The following SYT1 variants were observed in gnomAD, a reference collection of about 807,000 sequenced individuals.
SYT1 encodes synaptotagmin-1.
Under a neutral mutation model 44.8 loss-of-function variants are expected in SYT1, and 8 were observed. The ratio of observed to expected loss-of-function variants is 0.18; its 90% CI spans 0.10 to 0.32. SYT1 has a LOEUF of 0.32. SYT1 is among the 10% of genes least tolerant of loss of function. The pLI is 1.00. For missense variants in SYT1, 286 were observed against 509.3 expected (o/e 0.56, Z 4.22); for synonymous variants, 154 against 188.8 (o/e 0.82, Z 1.51).
chr12:79,205,865 AAC>A (rs1475795205), intron 3 of SYT1, among the ~76,000 whole-genome samples: 3 of 152,208 alleles, frequency 2.0e-5, no homozygotes, highest in African/African-American at 7.2e-5. Context: ...GAGAACGAGA[AAC>A]ACAGTTTGTT....
At chr12:79,203,266 G>A (rs1040175042) in intron 3 of SYT1, among the ~76,000 whole-genome samples, 1 of 152,092 alleles carries the variant, frequency 6.6e-6, no homozygotes, top group Non-Finnish European at 1.5e-5. Flanking sequence ...GCATTGTGAG[G>A]TTATGGTTAC....
chr12:79,324,081 T>C (rs759848876), intron 8 of SYT1, among the ~76,000 whole-genome samples: 2 of 151,144 alleles, frequency 1.3e-5, no homozygotes, highest in Non-Finnish European at 2.9e-5. Context: ...CTCCTGAGTA[T>C]CTGGGATTAC....
chr12:79,022,594 GT>G (rs1034098790), intron 2 of SYT1, among the ~76,000 whole-genome samples: 7 of 151,248 alleles, frequency 4.6e-5, no homozygotes, highest in Admixed American at 4.0e-4. Context: ...CTTATTATTT[GT>G]TTTGTTTTGG....
intron 4 of SYT1, among the ~76,000 whole-genome samples, chr12:79,230,928 C>T (rs572519367): frequency 2.0e-5 from 3 of 152,216 alleles, no homozygotes; most frequent in South Asian, 2.1e-4. Flanking sequence ...AAACACCATA[C>T]GAATATACTT....
intron 1 of SYT1, among the ~76,000 whole-genome samples, chr12:78,881,383 A>G (rs2137056052): frequency 6.6e-6 from 1 of 151,720 alleles, no homozygotes; most frequent in Admixed American, 6.6e-5. Context: ...TACATTTGTC[A>G]TGTTGTTTTA....
intron 3 of SYT1, among the ~76,000 whole-genome samples, chr12:79,200,281 G>A (rs563990044): frequency 6.6e-6 from 1 of 152,170 alleles, no homozygotes; most frequent in Admixed American, 6.5e-5. Context: ...GCAGAGAGAG[G>A]AGCCATTTTC....
intron 4 of SYT1, among the ~76,000 whole-genome samples, chr12:79,260,748 G>A (rs1393931186): frequency 6.6e-6 from 1 of 151,482 alleles, no homozygotes; most frequent in African/African-American, 2.4e-5. Context: ...TTACATCTAA[G>A]CGTTAGATTA....
intron 4 of SYT1, among the ~76,000 whole-genome samples, chr12:79,265,878 A>C (rs1265204238): frequency 6.6e-6 from 1 of 152,206 alleles, no homozygotes; most frequent in Non-Finnish European, 1.5e-5. Flanking sequence ...GAATCTTTTC[A>C]AGAGGATCTG....
intron 3 of SYT1, among the ~76,000 whole-genome samples, chr12:79,164,083 A>G (rs1245277313): frequency 6.6e-6 from 1 of 152,042 alleles, no homozygotes; most frequent in Non-Finnish European, 1.5e-5. Flanking sequence ...CTAATTCTGA[A>G]GCTTCTTTTC....
At chr12:79,129,325 T>C (rs1440101134) in intron 3 of SYT1, among the ~76,000 whole-genome samples, 1 of 152,184 alleles carries the variant, frequency 6.6e-6, no homozygotes, top group African/African-American at 2.4e-5. Flanking sequence ...TGAGATGCAA[T>C]GGAAAACAGA....
At chr12:79,190,426 C>A (rs764338645) in intron 3 of SYT1, among the ~76,000 whole-genome samples, 4 of 152,130 alleles carry the variant, frequency 2.6e-5, no homozygotes, top group Non-Finnish European at 4.4e-5. Context: ...TAATTGACAT[C>A]AAAACACCCA....
intron 3 of SYT1, among the ~76,000 whole-genome samples, chr12:79,195,481 T>C (rs1266150941): frequency 7.1e-6 from 1 of 140,296 alleles, no homozygotes; most frequent in Non-Finnish European, 1.5e-5. Flanking sequence ...TGCACAATCA[T>C]ATATTTGAAA....
intron 4 of SYT1, among the ~76,000 whole-genome samples, chr12:79,271,907 C>T (rs1878447209): frequency 6.6e-6 from 1 of 152,140 alleles, no homozygotes; most frequent in South Asian, 2.1e-4. Flanking sequence ...TACATTTGCA[C>T]ACATTTATCT....
intron 3 of SYT1, among the ~76,000 whole-genome samples, chr12:79,182,552 G>T (rs1872600305): frequency 6.6e-6 from 1 of 152,024 alleles, no homozygotes; most frequent in African/African-American, 2.4e-5. Flanking sequence ...AGAGTAAAAG[G>T]AGAAAAAACT....
At chr12:79,286,131 T>C (rs145031968) in intron 5 of SYT1, among the ~76,000 whole-genome samples, 160 bp downstream of exon 5, 3 of 152,304 alleles carry the variant, frequency 2.0e-5, no homozygotes, top group African/African-American at 4.8e-5. Flanking sequence ...TCCCAAAGCA[T>C]AATGGAAGCA....
intron 3 of SYT1, among the ~76,000 whole-genome samples, chr12:79,071,074 T>C (rs754391746): frequency 2.0e-5 from 3 of 152,046 alleles, no homozygotes; most frequent in Admixed American, 6.6e-5. Flanking sequence ...AGTGAAGATA[T>C]ATAGACAAAA....
At chr12:78,867,590 C>T (rs1873610540) in intron 1 of SYT1, among the ~76,000 whole-genome samples, 1 of 151,884 alleles carries the variant, frequency 6.6e-6, no homozygotes, top group Non-Finnish European at 1.5e-5. Context: ...ATTAATGTTT[C>T]AGAGTAAATA....
Position 79,117,693 on chromosome 12 carries a change from AT to A in SYT1, c.-18+70332del, listed in dbSNP as rs1365009077. Among the ~76,000 whole-genome samples, 12 of 85,014 alleles carry A rather than the reference AT, an allele frequency of 1.4e-4. 1 individual carries two copies. Among genetic ancestry groups the A allele is most frequent in the African/African-American group, 5.6e-4 (12 of 21,556 alleles). The allele number at this position is 85,014 out of a possible 152,430, so 55.8% of individuals were successfully genotyped here. The stretch of plus-strand genomic sequence containing the variant: ...TATATATATATATATATATATATAT[AT>A]ATATATATATATATATATATAAAAT... On this transcript the variant is annotated intron_variant, in intron 3 of 10. Transcript: ENST00000261205.
At chr12:79,294,014 T>C (rs1204919322) in intron 6 of SYT1, among the ~76,000 whole-genome samples, 1 of 152,122 alleles carries the variant, frequency 6.6e-6, no homozygotes, top group Non-Finnish European at 1.5e-5. Flanking sequence ...GGTCTTAATA[T>C]ATAACATATT....
Sources: allele counts gnomAD v4.1 joint callset (sites outside exome capture counted in the v4.1 genomes callset), GRCh38; gene constraint gnomAD v4.1.1; transcripts MANE v1.5; gene names NCBI Gene and HGNC (gene_info 2026-07-23, HGNC 2026-07-21).